The following DMRT1 variants were observed in gnomAD, a reference collection of about 807,000 sequenced individuals.
DMRT1 encodes doublesex- and mab-3-related transcription factor 1.
Under a neutral mutation model 32.3 loss-of-function variants are expected in DMRT1, and 7 were observed. The observed-to-expected ratio is 0.22, with a 90% CI of 0.12 to 0.41. The LOEUF (loss-of-function observed/expected upper bound fraction) is 0.41, where lower values mean the gene tolerates loss of function less well. Among genes scored for constraint, DMRT1 ranks in the 10% least tolerant of loss-of-function variants. The pLI is 1.00. For synonymous variants in DMRT1, 278 were observed against 206.1 expected, an observed-to-expected ratio of 1.35 and a Z score of -2.99; for missense variants, 625 against 500.5, an observed-to-expected ratio of 1.25 and a Z score of -2.37.
intron 3 of DMRT1, among the ~76,000 whole-genome samples, chr9:906,973 T>C (rs189948109): frequency 9.2e-5 from 14 of 152,324 alleles, no homozygotes; most frequent in Admixed American, 9.2e-4. Flanking sequence ...TGAAGACTCA[T>C]GAGATAACAA....
intron 2 of DMRT1, among the ~76,000 whole-genome samples, chr9:853,532 G>A (rs1436988847): frequency 6.6e-6 from 1 of 151,208 alleles, no homozygotes; most frequent in East Asian, 1.9e-4. Context: ...GGGTGTAGTG[G>A]TGTGATCTCG....
intron 1 of DMRT1, among the ~76,000 whole-genome samples, chr9:845,896 G>A (rs1838883088): frequency 6.6e-6 from 1 of 152,196 alleles, no homozygotes; most frequent in African/African-American, 2.4e-5. Context: ...ACTGCTGGCT[G>A]ATTTTAACAT....
At chr9:955,094 T>C (rs966548768) in intron 4 of DMRT1, among the ~76,000 whole-genome samples, 1 of 151,768 alleles carries the variant, frequency 6.6e-6, no homozygotes, top group African/African-American at 2.4e-5. Context: ...GTGCTCAGGG[T>C]TGGATTAGAG....
At chr9:913,681 G>A (rs1469522132) in intron 3 of DMRT1, among the ~76,000 whole-genome samples, 1 of 151,440 alleles carries the variant, frequency 6.6e-6, no homozygotes, top group Non-Finnish European at 1.5e-5. Context: ...GATCACTTGA[G>A]GCCAGGAATT....
At chr9:897,702 T>G (rs10119587) in intron 3 of DMRT1, among the ~76,000 whole-genome samples, 106,960 of 152,028 alleles carry the variant, frequency 0.7, 37,925 homozygotes, top group East Asian at 0.79. Context: ...GTTTGTTCAT[T>G]ATAACTGTCT....
intron 4 of DMRT1, among the ~76,000 whole-genome samples, chr9:953,099 A>C (rs1431133225): frequency 2.0e-5 from 3 of 152,170 alleles, no homozygotes; most frequent in Non-Finnish European, 2.9e-5. Flanking sequence ...GTCCCTGTGA[A>C]GAATGCGGAT....
At chr9:901,069 C>T (rs929783305) in intron 3 of DMRT1, among the ~76,000 whole-genome samples, 8 of 151,912 alleles carry the variant, frequency 5.3e-5, no homozygotes, top group Admixed American at 4.6e-4. Flanking sequence ...GGCCAGAGTG[C>T]AGCAGCATGA....
chr9:912,713 G>A (rs1249357141), intron 3 of DMRT1, among the ~76,000 whole-genome samples: 2 of 151,886 alleles, frequency 1.3e-5, no homozygotes, highest in African/African-American at 4.8e-5. Context: ...GGGGATTGTT[G>A]GGATCTCGTA....
At chr9:898,565 C>T (rs970778760) in intron 3 of DMRT1, among the ~76,000 whole-genome samples, 10 of 152,326 alleles carry the variant, frequency 6.6e-5, no homozygotes, top group Non-Finnish European at 1.2e-4. Flanking sequence ...TAGGAGAGGG[C>T]AGAGTCGGGG....
intron 4 of DMRT1, among the ~76,000 whole-genome samples, chr9:961,460 G>C (rs4740983): frequency 0.076 from 11,553 of 152,118 alleles, 894 homozygotes; most frequent in East Asian, 0.29. Flanking sequence ...TAGTCTGAAG[G>C]GATGGTTTGC....
intron 4 of DMRT1, among the ~76,000 whole-genome samples, chr9:959,600 C>T (rs565481085): frequency 6.6e-6 from 1 of 152,214 alleles, no homozygotes; most frequent in Non-Finnish European, 1.5e-5. Flanking sequence ...ACTATCTTGG[C>T]TCACTGCCAC....
chr9:910,085 T>A (rs1379682619), intron 3 of DMRT1, among the ~76,000 whole-genome samples: 1 of 152,226 alleles, frequency 6.6e-6, no homozygotes, highest in Non-Finnish European at 1.5e-5. Flanking sequence ...ACTCTTCTCA[T>A]TAAGACTGTT....
chr9:891,845 C>G (rs1445536330), intron 2 of DMRT1, among the ~76,000 whole-genome samples: 1 of 152,154 alleles, frequency 6.6e-6, no homozygotes, highest in Non-Finnish European at 1.5e-5. Flanking sequence ...TTTTAACTCA[C>G]ATTATTTTTG....
At chr9:865,443 A>C (rs1815938379) in intron 2 of DMRT1, among the ~76,000 whole-genome samples, 1 of 152,066 alleles carries the variant, frequency 6.6e-6, no homozygotes, top group South Asian at 2.1e-4. Flanking sequence ...ATGGTACTTA[A>C]TTTTTCATAA....
At chr9:845,018 G>A (rs57422803) in intron 1 of DMRT1, among the ~76,000 whole-genome samples, 6,349 of 152,086 alleles carry the variant, frequency 0.042, 407 homozygotes, top group African/African-American at 0.14. Flanking sequence ...CACTGCGCCC[G>A]GCCTGTAGTT....
intron 4 of DMRT1, among the ~76,000 whole-genome samples, chr9:957,367 G>A (rs760808871): frequency 6.6e-6 from 1 of 152,182 alleles, no homozygotes; most frequent in Non-Finnish European, 1.5e-5. Flanking sequence ...CCACAAAAAT[G>A]TTTTAAGAAA....
At chr9:884,958 A>C (rs1270695579) in intron 2 of DMRT1, among the ~76,000 whole-genome samples, 1 of 152,242 alleles carries the variant, frequency 6.6e-6, no homozygotes, top group African/African-American at 2.4e-5. Flanking sequence ...CAACAGAGTG[A>C]GTGAGACTCG....
chr9:872,056 A>C (rs917387121), intron 2 of DMRT1, among the ~76,000 whole-genome samples: 3 of 151,272 alleles, frequency 2.0e-5, no homozygotes, highest in African/African-American at 4.9e-5. Context: ...TTTACATGCC[A>C]TAAAACTCAC....
At chr9:905,201 T>G (rs957884548) in intron 3 of DMRT1, among the ~76,000 whole-genome samples, 1 of 152,164 alleles carries the variant, frequency 6.6e-6, no homozygotes, top group Non-Finnish European at 1.5e-5. Context: ...TGGGTTGCCC[T>G]CAGCACCCCC....
Sources: gnomAD v4.1 joint callset for allele counts (sites outside exome capture counted in the v4.1 genomes callset) on GRCh38, gnomAD v4.1.1 for gene constraint, MANE v1.5 for transcripts, NCBI Gene and HGNC (gene_info 2026-07-23, HGNC 2026-07-21) for gene names.